The following GPRC6A variants were observed in gnomAD, a reference collection of about 807,000 sequenced individuals.
GPRC6A encodes G protein-coupled receptor class C group 6 member A.
Under a neutral mutation model 47.0 loss-of-function variants are expected in GPRC6A, and 54 were observed. That is an observed-to-expected ratio of 1.15 (90% confidence interval 0.92 to 1.44). The LOEUF is 1.44. GPRC6A is among the 40% of genes most tolerant of loss of function. The probability of loss-of-function intolerance (pLI) is 0.00; values close to 1 mark genes in which losing one functional copy is unlikely to be tolerated. For missense variants in GPRC6A, 1,112 were observed against 1,105.5 expected (o/e 1.01, Z -0.08); for synonymous variants, 347 against 377.1 (o/e 0.92, Z 0.93).
At chr6:116,806,277 G>C in intron 3 of GPRC6A, 93 bp downstream of exon 3, 5 of 780,586 alleles carry the variant, frequency 6.4e-6, no homozygotes, top group South Asian at 5.2e-5. Context: ...ATAGGATTAA[G>C]AGCAATTAAT....
At chr6:116,808,655 T>C (rs1437900139) in intron 2 of GPRC6A, among the ~76,000 whole-genome samples, 1 of 152,196 alleles carries the variant, frequency 6.6e-6, no homozygotes, top group Non-Finnish European at 1.5e-5. Flanking sequence ...GTCATTTCTT[T>C]ATCATCTGAA....
At chr6:116,798,547 A>G (rs1335901382) in intron 4 of GPRC6A, among the ~76,000 whole-genome samples, 1 of 152,164 alleles carries the variant, frequency 6.6e-6, no homozygotes, top group African/African-American at 2.4e-5. Context: ...GATTCTGAGC[A>G]GAGCACTATG....
In GPRC6A at chr6:116,806,645, A is replaced by ACTGG. The variant is rs1772850029; in HGVS notation, c.1059_1060insCCAG (p.Leu354ProfsTer4). 15 of 1,613,632 alleles carry ACTGG rather than the reference A, an allele frequency of 9.3e-6. No individual in the cohort carries two copies. In the East Asian group the frequency reaches 3.3e-4, roughly 36 times the overall value. On this transcript the variant is annotated frameshift_variant, in exon 3 of 6. Transcript: ENST00000310357. LOFTEE classifies it high-confidence loss of function. ...GATAAATGCATGGCATATTCATGTA[A>ACTGG]GAGTTTGTGACTGTCACTGGGAAGC... is the stretch of plus-strand genomic sequence containing the variant.
Position 116,792,180 on chromosome 6 carries a change from A to G in GPRC6A, c.2743T>C (p.Ser915Pro), listed in dbSNP as rs1772322006. ...ATTCTTTTTCGAGGCAAAGTTTTAG[A>G]TACACTTGTGGCATTTTCCCTGCAT... ...HICRENATSV[S>P]KTLPRKRMSS... Residue 915 changes from serine to proline, a missense_variant, in exon 6 of 6, where the codon TCT (serine) becomes CCT (proline). Physicochemically the swap from Ser to Pro is moderately conservative, Grantham distance 74. Transcript: ENST00000310357. 7 of 1,613,770 alleles carry G rather than the reference A, an allele frequency of 4.3e-6. No individual in the cohort carries two copies. In the East Asian group the frequency reaches 1.1e-4, roughly 26 times the overall value.
At chr6:116,796,858 A>G (rs931927015) in intron 4 of GPRC6A, among the ~76,000 whole-genome samples, 3 of 152,268 alleles carry the variant, frequency 2.0e-5, no homozygotes, top group South Asian at 2.1e-4. Flanking sequence ...GAGGGTGCTC[A>G]GAGGACACAA....
chr6:116,806,414 G>A lies in GPRC6A; in HGVS notation c.1291C>T (p.Gln431Ter). 9 of 1,613,216 alleles carry A rather than the reference G, an allele frequency of 5.6e-6. No individual in the cohort carries two copies. Among genetic ancestry groups the A allele is most frequent in the Non-Finnish European group, 7.6e-6 (9 of 1,179,520 alleles). ...ALGYAIRDLC[Q>*]ARDCQNPNAF... ...TTGGGGTTCTGACAGTCACGAGCTT[G>A]ACACAGATCCCGAATGGCATAACCA... The change falls in exon 3 of 6, where the codon CAA becomes TAA. Residue 431 changes from glutamine (Q) to a stop codon, truncating the protein, a stop_gained. Coordinates refer to ENST00000310357, the MANE Select transcript of GPRC6A (RefSeq NM_148963.4). LOFTEE classifies it high-confidence loss of function.
At chr6:116,821,321 G>T (rs563714673) in intron 1 of GPRC6A, among the ~76,000 whole-genome samples, 3,713 of 152,098 alleles carry the variant, frequency 0.024, 150 homozygotes, top group African/African-American at 0.085. Context: ...TCCCCATCAA[G>T]CTACCAATGC....
At chr6:116,812,187 C>T (rs1036311368) in intron 1 of GPRC6A, among the ~76,000 whole-genome samples, 1 of 152,138 alleles carries the variant, frequency 6.6e-6, no homozygotes, top group Non-Finnish European at 1.5e-5. Flanking sequence ...TCAGCAGAAA[C>T]CTTATAGGCC....
At chr6:116,816,493 C>T (rs904160538) in intron 1 of GPRC6A, among the ~76,000 whole-genome samples, 1 of 152,224 alleles carries the variant, frequency 6.6e-6, no homozygotes, top group Non-Finnish European at 1.5e-5. Context: ...AGCAGCAGGG[C>T]CCTGGTCTCA....
Position 116,806,662 on chromosome 6 carries a change from C to G in GPRC6A, c.1043G>C (p.Ser348Thr). The G allele has an allele frequency of 1.2e-6, 2 of 1,613,554 alleles. No individual in the cohort carries two copies. Among genetic ancestry groups the G allele is most frequent in the Non-Finnish European group, 1.7e-6 (2 of 1,179,792 alleles). The change falls in exon 3 of 6, where the codon AGT (serine) becomes ACT (threonine). Residue 348 changes from serine to threonine, a missense_variant. Transcript: ENST00000310357. ...SFLQNLHLLP[S>T]DSHKLLHEYA... ...TTCATGTAAGAGTTTGTGACTGTCACTGGGAAGCAAGTGCAGATTTTGAAG... is the reference window on the plus strand; with the variant it reads ...TTCATGTAAGAGTTTGTGACTGTCAGTGGGAAGCAAGTGCAGATTTTGAAG...
intron 1 of GPRC6A, among the ~76,000 whole-genome samples, chr6:116,811,305 C>G (rs1458488886): frequency 4.6e-5 from 7 of 152,006 alleles, no homozygotes; most frequent in African/African-American, 1.7e-4. Context: ...AACATTCTCC[C>G]CCTACAAAAA....
In GPRC6A at chr6:116,806,535, C is replaced by G; in HGVS notation, c.1170G>C (p.Lys390Asn). The G allele has an allele frequency of 6.2e-7, 1 of 1,613,566 alleles. No homozygotes were observed. The highest frequency in any genetic ancestry group is 8.5e-7 in the Non-Finnish European group (1 of 1,179,738). The change falls in exon 3 of 6, where the codon AAG becomes AAC. Residue 390 changes from lysine (K) to asparagine (N), a missense_variant. Transcript: ENST00000310357. Reference sequence around the variant, plus strand: ...TCATGACGAAGTTCCTTTCTATAGCCTTGTTAGCCTTGTAGGCCAAAGTCC... The same window carrying G: ...TCATGACGAAGTTCCTTTCTATAGCGTTGTTAGCCTTGTAGGCCAAAGTCC... ...SQRTLAYKANKAIERNFVMRN... is the reference protein window; with the variant it reads ...SQRTLAYKANNAIERNFVMRN...
In GPRC6A at chr6:116,809,446, G is replaced by T; in HGVS notation, c.366C>A (p.Cys122Ter). Residue 122 changes from cysteine (C) to a stop codon, truncating the protein, a stop_gained, in exon 2 of 6, where the codon TGC (cysteine) becomes TGA (stop). Transcript: ENST00000310357. LOFTEE classifies it high-confidence loss of function. ...ATLRFLSKFN[C>*]SRETVEFKCD... ...ACTTAAACTCCACAGTTTCTCTGGA[G>T]CAGTTGAATTTAGAAAGAAACCTCA... 1 of 1,613,744 alleles carries T rather than the reference G, an allele frequency of 6.2e-7. No individual in the cohort carries two copies. The highest frequency in any genetic ancestry group is 1.1e-5 in the South Asian group (1 of 91,076).
chr6:116,823,223 G>C (rs1773564104), intron 1 of GPRC6A, among the ~76,000 whole-genome samples: 1 of 152,006 alleles, frequency 6.6e-6, no homozygotes, highest in Admixed American at 6.6e-5. Context: ...ACACATATGA[G>C]CTAGGCTATT....
chr6:116,808,723 A>G (rs1328442605), intron 2 of GPRC6A, among the ~76,000 whole-genome samples: 1 of 152,176 alleles, frequency 6.6e-6, no homozygotes, highest in Admixed American at 6.6e-5. Context: ...ATTAGAAATC[A>G]GTGACGTAGA....
chr6:116,793,430 A>G (rs544159339), intron 5 of GPRC6A, among the ~76,000 whole-genome samples, 180 bp from the exon 6 acceptor site: 2 of 152,278 alleles, frequency 1.3e-5, no homozygotes, highest in East Asian at 1.9e-4. Flanking sequence ...TGAGAGAGAA[A>G]GGGTAAAAGT....
chr6:116,823,844 C>A (rs143721040), intron 1 of GPRC6A, among the ~76,000 whole-genome samples: 1 of 152,016 alleles, frequency 6.6e-6, no homozygotes, highest in East Asian at 1.9e-4. Context: ...CCTTACATGG[C>A]CAGATTAGGA....
rs768195375 is a variant in GPRC6A at position 116,806,452 on chromosome 6, G to A, written c.1253C>T (p.Ala418Val). The stretch of plus-strand genomic sequence containing the variant: ...AATGGCATAACCAAGGGCAAACACT[G>A]CAAGCTGAATACTATGAATGAGTCC... Reference protein sequence around the residue: ...EPGLIHSIQLAVFALGYAIRD... With the variant: ...EPGLIHSIQLVVFALGYAIRD... Residue 418 changes from alanine (A) to valine (V), a missense_variant, in exon 3 of 6, where the codon GCA becomes GTA. By Grantham distance (64) the Ala-to-Val change is moderately conservative. Coordinates refer to ENST00000310357, the MANE Select transcript of GPRC6A (RefSeq NM_148963.4). The A allele has an allele frequency of 1.2e-6, 2 of 1,613,466 alleles. No homozygotes were observed. Among genetic ancestry groups the A allele is most frequent in the Non-Finnish European group, 1.7e-6 (2 of 1,179,688 alleles).
At chr6:116,812,324 C>T (rs977407715) in intron 1 of GPRC6A, among the ~76,000 whole-genome samples, 15 of 151,998 alleles carry the variant, frequency 9.9e-5, no homozygotes, top group Admixed American at 1.3e-4. Context: ...GAAGCAAAAG[C>T]GGAGGGAATT....
Sources: allele counts gnomAD v4.1 joint callset (sites outside exome capture counted in the v4.1 genomes callset), GRCh38; gene constraint gnomAD v4.1.1; transcripts MANE v1.5; gene names NCBI Gene and HGNC (gene_info 2026-07-23, HGNC 2026-07-21).